GTF2A1: variants seen among roughly 807,000 people sequenced by gnomAD.
The protein encoded by GTF2A1 is transcription initiation factor IIA subunit 1.
A neutral mutation model predicts 54.1 loss-of-function variants in GTF2A1; 12 were observed. That is an observed-to-expected ratio of 0.22 (90% confidence interval 0.14 to 0.36). GTF2A1 has a LOEUF of 0.36. Among genes scored for constraint, GTF2A1 ranks in the 10% least tolerant of loss-of-function variants. The pLI, the probability that GTF2A1 is intolerant of heterozygous loss-of-function variation, is 1.00. For missense variants in GTF2A1, 335 were observed against 442.2 expected (o/e 0.76, Z 2.17); for synonymous variants, 145 against 152.0 (o/e 0.95, Z 0.34).
chr14:81,193,154 A>C (rs914404714), intron 6 of GTF2A1, among the ~76,000 whole-genome samples: 1 of 151,728 alleles, frequency 6.6e-6, no homozygotes, highest in African/African-American at 2.4e-5. Context: ...AGAATCTGAA[A>C]ACCTGGGTCT....
At chr14:81,181,340 C>T (rs1376973309) in intron 8 of GTF2A1, among the ~76,000 whole-genome samples, 1 of 143,084 alleles carries the variant, frequency 7.0e-6, no homozygotes, top group Non-Finnish European at 1.5e-5. Context: ...TCTAAAGGTA[C>T]CTAAAAAAAA....
intron 2 of GTF2A1, among the ~76,000 whole-genome samples, chr14:81,215,765 G>A (rs1238505938): frequency 2.0e-5 from 3 of 152,176 alleles, no homozygotes; most frequent in Non-Finnish European, 4.4e-5. Context: ...GCTGGGCGCT[G>A]TGGCTCACAC....
At chr14:81,216,595 C>T (rs578185305) in intron 1 of GTF2A1, 81 bp from the exon 2 acceptor site, 50 of 647,710 alleles carry the variant, frequency 7.7e-5, no homozygotes, top group African/African-American at 7.4e-4. Context: ...AAATTCAAAA[C>T]GAATAGTCAT....
At chr14:81,194,489 A>C (rs970938482) in intron 6 of GTF2A1, among the ~76,000 whole-genome samples, 1 of 152,248 alleles carries the variant, frequency 6.6e-6, no homozygotes. Context: ...GCAGTACATA[A>C]TTTTGGAAAG....
chr14:81,197,932 A>G (rs1013308476), intron 4 of GTF2A1, among the ~76,000 whole-genome samples: 2 of 152,180 alleles, frequency 1.3e-5, no homozygotes, highest in Non-Finnish European at 1.5e-5. Flanking sequence ...CCTTGAGATA[A>G]AAGTATAATT....
In GTF2A1 at chr14:81,185,640, T is replaced by A. The variant is rs1892727622; in HGVS notation, c.934-20A>T. The A allele has an allele frequency of 1.5e-6, 2 of 1,337,252 alleles. No homozygotes were observed. The highest frequency in any genetic ancestry group is 2.1e-6 in the Non-Finnish European group (2 of 933,934). 82.8% of individuals were successfully genotyped at this position (1,337,252 alleles called of 1,614,324 possible). A position where few individuals can be genotyped will look rare whatever the true frequency, so the allele number is the denominator to read the frequency against. On this transcript the variant is annotated intron_variant, in intron 7 of 8. Coordinates refer to ENST00000553612, the MANE Select transcript of GTF2A1 (RefSeq NM_015859.4). ...GGGCTCCTACAAATAAAAGGAGAGTTCTTATTACTATAAGAAGGCCTTAAT... is the reference window on the plus strand; with the variant it reads ...GGGCTCCTACAAATAAAAGGAGAGTACTTATTACTATAAGAAGGCCTTAAT...
At position 81,203,917 on chromosome 14, in the gene GTF2A1, A is replaced by T; in HGVS notation, c.320T>A (p.Ile107Asn). 6.2e-7 allele frequency: 1 copy of T among 1,613,600 alleles called. No individual in the cohort carries two copies. The highest frequency in any genetic ancestry group is 1.1e-5 in the South Asian group (1 of 91,068). ...AGTCTCACCTTGCTGTGATGCAGGA[A>T]TAAGAACCTGCTGGGTCTGCGCTTG... ...PQQAQTQQVL[I>N]PASQQATAPQ... is the part of the protein sequence containing the mutation. Residue 107 changes from isoleucine to asparagine, a missense_variant, in exon 3 of 9, where the codon ATT becomes AAT. Transcript: ENST00000553612.
At chr14:81,193,313 C>T (rs1012385998) in intron 6 of GTF2A1, among the ~76,000 whole-genome samples, 5 of 151,864 alleles carry the variant, frequency 3.3e-5, no homozygotes, top group African/African-American at 9.7e-5. Flanking sequence ...ACTACAGGTG[C>T]GCGCCACCAT....
chr14:81,203,712 C>T (rs1893163527), intron 3 of GTF2A1, among the ~76,000 whole-genome samples, 188 bp downstream of exon 3: 1 of 152,144 alleles, frequency 6.6e-6, no homozygotes, highest in Non-Finnish European at 1.5e-5. Flanking sequence ...TATACATTTA[C>T]ATACACATCC....
At chr14:81,211,704 C>T (rs1893367028) in intron 2 of GTF2A1, among the ~76,000 whole-genome samples, 1 of 151,882 alleles carries the variant, frequency 6.6e-6, no homozygotes, top group African/African-American at 2.4e-5. Flanking sequence ...AAGGATTCTC[C>T]TACTTTCACA....
At chr14:81,183,397 T>C (rs1177926072) in intron 8 of GTF2A1, among the ~76,000 whole-genome samples, 2 of 152,196 alleles carry the variant, frequency 1.3e-5, no homozygotes, top group Non-Finnish European at 2.9e-5. Context: ...AGAGATTCTA[T>C]AGACAAGTAA....
chr14:81,201,791 T>C (rs566366722), intron 3 of GTF2A1, 133 bp from the exon 4 acceptor site: 3 of 654,876 alleles, frequency 4.6e-6, no homozygotes, highest in Non-Finnish European at 8.3e-6. Flanking sequence ...CTTTCAATCA[T>C]TTCATCTCAG....
chr14:81,188,272 C>A, intron 7 of GTF2A1, among the ~76,000 whole-genome samples: 1 of 152,148 alleles, frequency 6.6e-6, no homozygotes, highest in East Asian at 1.9e-4. Context: ...CCCAGCTACT[C>A]AGGAGGCTGA....
chr14:81,183,373 G>A (rs938844061), intron 8 of GTF2A1, among the ~76,000 whole-genome samples: 15 of 152,192 alleles, frequency 9.9e-5, no homozygotes, highest in African/African-American at 2.9e-4. Context: ...AAAGTGATGA[G>A]TAGCCAGGAA....
In GTF2A1 at chr14:81,213,450, T is replaced by C. The variant is rs549157310; in HGVS notation, c.132+2963A>G. Among the ~76,000 whole-genome samples, 8 of 152,310 alleles carry C rather than the reference T, an allele frequency of 5.3e-5. No individual in the cohort carries two copies. In the South Asian group the frequency reaches 1.7e-3, roughly 32 times the overall value. ...ATAACAATCTAGACTGACCACTAGT[T>C]TGACCTAGAGAAAATTACCTAACAT... On this transcript the variant is annotated intron_variant, in intron 2 of 8. Transcript: ENST00000553612.
chr14:81,184,877 T>C (rs1257810969), intron 8 of GTF2A1, among the ~76,000 whole-genome samples: 1 of 152,144 alleles, frequency 6.6e-6, no homozygotes, highest in Non-Finnish European at 1.5e-5. Flanking sequence ...AAAAACTGTA[T>C]TACAATTTAA....
chr14:81,177,210 T>A lies in GTF2A1; in HGVS notation c.*3013A>T, dbSNP rs1020291049. ...TTGATGTAATCTTAGAACAAGAAAG[T>A]GGCTTTGCTTTTAAAAGAGGCAACA... is the stretch of plus-strand genomic sequence containing the variant. On this transcript the variant is annotated 3_prime_UTR_variant, in exon 9 of 9. Transcript: ENST00000553612. The A allele has an allele frequency of 3.9e-5, 6 of 152,144 alleles. No individual in the cohort carries two copies. Among genetic ancestry groups the A allele is most frequent in the Non-Finnish European group, 8.8e-5 (6 of 67,972 alleles). 9.4% of individuals were successfully genotyped at this position (152,144 alleles called of 1,614,324 possible). A position where few individuals can be genotyped will look rare whatever the true frequency, so the allele number is the denominator to read the frequency against.
At chr14:81,182,726 A>T (rs556412218) in intron 8 of GTF2A1, among the ~76,000 whole-genome samples, 87 of 152,196 alleles carry the variant, frequency 5.7e-4, no homozygotes, top group Non-Finnish European at 1.1e-3. Flanking sequence ...GTCTCACTGA[A>T]ACCTTCCAAT....
chr14:81,192,681 T>C lies in GTF2A1; in HGVS notation c.771A>G (p.Gln257=). The change falls in exon 7 of 9, where the codon CAA becomes CAG. Residue 257 remains glutamine, a synonymous_variant. Coordinates refer to ENST00000553612, the MANE Select transcript of GTF2A1 (RefSeq NM_015859.4). Reference sequence around the variant, plus strand: ...GTGTTTGAGCAGGCTGGGCCTGCGGTTGCTGCTGGCCAGTTGCAGTTATCT... The same window carrying C: ...GTGTTTGAGCAGGCTGGGCCTGCGGCTGCTGCTGGCCAGTTGCAGTTATCT... The part of the protein sequence containing the change: ...QAQITATGQQ[Q]PQAQPAQTQA... 3 of 1,614,234 alleles carry C rather than the reference T, an allele frequency of 1.9e-6. No individual in the cohort carries two copies. The highest frequency in any genetic ancestry group is 1.3e-5 in the African/African-American group (1 of 75,070).
Sources: allele counts gnomAD v4.1 joint callset (sites outside exome capture counted in the v4.1 genomes callset), GRCh38; gene constraint gnomAD v4.1.1; transcripts MANE v1.5; gene names NCBI Gene and HGNC (gene_info 2026-07-23, HGNC 2026-07-21).